The following DNM3 variants were observed in gnomAD, a reference collection of about 807,000 sequenced individuals.
The protein encoded by DNM3 is dynamin 3.
DNM3 carries 47 observed loss-of-function variants against 101.6 expected under a neutral mutation model. The observed-to-expected ratio is 0.46, with a 90% CI of 0.37 to 0.59. The LOEUF is 0.59. Among genes scored for constraint, DNM3 ranks in the 20% least tolerant of loss-of-function variants. The pLI, the probability that DNM3 is intolerant of heterozygous loss-of-function variation, is 0.00. For missense variants in DNM3, 849 were observed against 1,085.7 expected (o/e 0.78, Z 3.06); for synonymous variants, 385 against 387.9 (o/e 0.99, Z 0.09).
intron 4 of DNM3, among the ~76,000 whole-genome samples, chr1:171,999,457 A>G (rs1371843935): frequency 6.6e-6 from 1 of 152,138 alleles, no homozygotes; most frequent in African/African-American, 2.4e-5. Flanking sequence ...AAAATCTGAG[A>G]TGCTCATTAA....
intron 2 of DNM3, among the ~76,000 whole-genome samples, chr1:171,926,320 A>C (rs2040569290): frequency 6.6e-6 from 1 of 152,190 alleles, no homozygotes. Context: ...AGTCATTTTA[A>C]CCATATTGAT....
intron 1 of DNM3, among the ~76,000 whole-genome samples, chr1:171,881,885 C>T (rs535640369): frequency 2.6e-4 from 40 of 152,218 alleles, no homozygotes; most frequent in Non-Finnish European, 3.5e-4. Flanking sequence ...GGCGTGAAAA[C>T]GTTGCATAAC....
intron 10 of DNM3, among the ~76,000 whole-genome samples, chr1:172,051,471 T>A (rs1285717497): frequency 6.6e-6 from 1 of 152,190 alleles, no homozygotes; most frequent in Non-Finnish European, 1.5e-5. Context: ...ATCTTTGCTC[T>A]CCATTCAGTC....
chr1:172,299,407 T>C (rs972640419), intron 15 of DNM3, among the ~76,000 whole-genome samples: 6 of 152,190 alleles, frequency 3.9e-5, no homozygotes, highest in Non-Finnish European at 8.8e-5. Context: ...ATCAACTTAC[T>C]TTATTTTATA....
rs183097557 is a variant in DNM3 at position 172,259,291 on chromosome 1, A to G, written c.1769+5609A>G. Among the ~76,000 whole-genome samples the G allele has an allele frequency of 2.6e-3, 397 of 152,160 alleles. 1 individual carries two copies. The highest frequency in any genetic ancestry group is 7.9e-3 in the South Asian group (38 of 4,828). On this transcript the variant is annotated intron_variant, in intron 15 of 20. Coordinates refer to ENST00000627582, the MANE Select transcript of DNM3 (RefSeq NM_015569.5). ...TGGTCTAATATGCAGTTTAAATCCAATGTTTCTTCGTTAATTTTCAGTCTA... is the reference window on the plus strand; with the variant it reads ...TGGTCTAATATGCAGTTTAAATCCAGTGTTTCTTCGTTAATTTTCAGTCTA...
chr1:172,141,410 A>T (rs550984376), intron 14 of DNM3, among the ~76,000 whole-genome samples: 54 of 152,160 alleles, frequency 3.5e-4, no homozygotes, highest in African/African-American at 1.3e-3. Context: ...TATTATTTTG[A>T]CGTTATTGTG....
At chr1:172,317,272 C>G (rs1162015716) in intron 16 of DNM3, among the ~76,000 whole-genome samples, 2 of 150,986 alleles carry the variant, frequency 1.3e-5, no homozygotes, top group Non-Finnish European at 2.9e-5. Context: ...ACTAAATGCC[C>G]ATAAGAGAAA....
intron 4 of DNM3, among the ~76,000 whole-genome samples, chr1:172,024,339 C>T (rs2048047605): frequency 6.6e-6 from 1 of 152,010 alleles, no homozygotes; most frequent in African/African-American, 2.4e-5. Flanking sequence ...TCTGACAATG[C>T]CATTACAAGA....
At chr1:172,404,960 A>G (rs928197744) in intron 20 of DNM3, among the ~76,000 whole-genome samples, 3 of 152,104 alleles carry the variant, frequency 2.0e-5, no homozygotes, top group South Asian at 4.1e-4. Flanking sequence ...AAGTCTTGAC[A>G]TAGATCATCT....
chr1:172,012,194 T>C (rs112506040), intron 4 of DNM3, among the ~76,000 whole-genome samples: 11 of 152,146 alleles, frequency 7.2e-5, no homozygotes, highest in African/African-American at 2.6e-4. Flanking sequence ...GTATTTCTTC[T>C]CCATGATGTT....
chr1:172,311,943 A>G (rs888309907), intron 16 of DNM3, among the ~76,000 whole-genome samples: 1 of 152,234 alleles, frequency 6.6e-6, no homozygotes, highest in Non-Finnish European at 1.5e-5. Context: ...TTCAGTTTTC[A>G]TCATAAACAA....
chr1:172,093,632 A>T, intron 13 of DNM3: 1 of 1,446,840 alleles, frequency 6.9e-7, no homozygotes, highest in Non-Finnish European at 9.4e-7. Context: ...AGAAGAGGTA[A>T]TAACAGACTT....
intron 15 of DNM3, among the ~76,000 whole-genome samples, chr1:172,253,994 T>C (rs1281026877): frequency 1.3e-5 from 2 of 152,148 alleles, no homozygotes; most frequent in Non-Finnish European, 2.9e-5. Flanking sequence ...CAGACCGGAA[T>C]ACAGTGCTAT....
chr1:172,273,736 A>G (rs1447806924), intron 15 of DNM3, among the ~76,000 whole-genome samples: 1 of 152,120 alleles, frequency 6.6e-6, no homozygotes, highest in South Asian at 2.1e-4. Flanking sequence ...ACTTCTCTGT[A>G]TATTCATAAC....
intron 17 of DNM3, chr1:172,338,900 T>G (rs1177332096): frequency 2.3e-6 from 1 of 433,918 alleles, no homozygotes; most frequent in African/African-American, 2.0e-5. Flanking sequence ...TAGTAGAAAG[T>G]TTGTTTGTGC....
intron 14 of DNM3, among the ~76,000 whole-genome samples, chr1:172,236,509 T>G (rs1045166615): frequency 3.9e-5 from 6 of 152,122 alleles, no homozygotes; most frequent in African/African-American, 1.2e-4. Context: ...TTTATCATTG[T>G]ATATAATCAT....
chr1:172,273,876 A>G (rs1573240632), intron 15 of DNM3, among the ~76,000 whole-genome samples: 1 of 152,184 alleles, frequency 6.6e-6, no homozygotes, highest in Middle Eastern at 3.4e-3. Flanking sequence ...TACTTTGAGG[A>G]CTATTGTGAA....
At chr1:172,168,588 T>G (rs932465143) in intron 14 of DNM3, among the ~76,000 whole-genome samples, 1 of 151,954 alleles carries the variant, frequency 6.6e-6, no homozygotes, top group African/African-American at 2.4e-5. Context: ...ACTAAGCAAT[T>G]GAAGTATATG....
intron 15 of DNM3, among the ~76,000 whole-genome samples, chr1:172,273,977 A>G (rs776238333): frequency 5.3e-5 from 8 of 152,094 alleles, no homozygotes; most frequent in Non-Finnish European, 1.2e-4. Context: ...TGCTTATTGC[A>G]TAAGTAAGTC....
Sources: allele counts gnomAD v4.1 joint callset (sites outside exome capture counted in the v4.1 genomes callset), GRCh38; gene constraint gnomAD v4.1.1; transcripts MANE v1.5; gene names NCBI Gene and HGNC (gene_info 2026-07-23, HGNC 2026-07-21).